Variants in TCF7L2 observed in about 807,000 individuals in gnomAD.
TCF7L2 encodes the protein transcription factor 7-like 2.
A neutral mutation model predicts 77.9 loss-of-function variants in TCF7L2; 23 were observed. The observed-to-expected ratio is 0.30, with a 90% CI of 0.21 to 0.42. The LOEUF is 0.42. Ranked by LOEUF, TCF7L2 falls within the 10% of genes least tolerant of loss-of-function variation. The probability of loss-of-function intolerance (pLI) is 1.00; values close to 1 mark genes in which losing one functional copy is unlikely to be tolerated. For synonymous variants in TCF7L2, 413 were observed against 340.2 expected (o/e 1.21, Z -2.36); for missense variants, 654 against 793.1 (o/e 0.82, Z 2.11).
intron 5 of TCF7L2, among the ~76,000 whole-genome samples, chr10:113,067,852 G>GTTTCGTTTGTTTGT: frequency 6.6e-6 from 1 of 151,738 alleles, no homozygotes; most frequent in East Asian, 1.9e-4. Context: ...TGATCTGTGG[G>GTTTCGTTTGTTTGT]TTTTGTTTGT....
chr10:113,007,976 G>A (rs1218796330), intron 4 of TCF7L2, among the ~76,000 whole-genome samples: 1 of 152,202 alleles, frequency 6.6e-6, no homozygotes, highest in African/African-American at 2.4e-5. Flanking sequence ...AGCTTGACTT[G>A]GGGCTTGGGG....
At chr10:113,099,580 G>A (rs1051889295) in intron 5 of TCF7L2, among the ~76,000 whole-genome samples, 1 of 152,216 alleles carries the variant, frequency 6.6e-6, no homozygotes, top group South Asian at 2.1e-4. Flanking sequence ...GTACAATGTA[G>A]GGCTATGTGT....
chr10:112,986,719 T>TA (rs1249345264), intron 4 of TCF7L2, among the ~76,000 whole-genome samples: 2 of 152,152 alleles, frequency 1.3e-5, no homozygotes, highest in African/African-American at 4.8e-5. Flanking sequence ...CTCCCTTTCT[T>TA]GCAGCCTCCA....
intron 13 of TCF7L2, among the ~76,000 whole-genome samples, chr10:113,164,634 A>G (rs980062864): frequency 2.0e-5 from 3 of 151,630 alleles, no homozygotes; most frequent in Non-Finnish European, 2.9e-5. Context: ...TCTTAATTTA[A>G]TCCACAACCT....
intron 4 of TCF7L2, among the ~76,000 whole-genome samples, chr10:113,014,075 CAGG>C (rs2046920119): frequency 6.6e-6 from 1 of 152,218 alleles, no homozygotes; most frequent in Admixed American, 6.5e-5. Context: ...TGAGTTAACA[CAGG>C]AGGACAGGGG....
chr10:113,165,465 G>A, intron 13 of TCF7L2, 90 bp from the exon 15 acceptor site: 4 of 1,420,534 alleles, frequency 2.8e-6, no homozygotes, highest in Non-Finnish European at 3.9e-6. Flanking sequence ...CATCCCTTAG[G>A]TGACCTCAGC....
At chr10:113,119,002 G>GTTCC (rs1253115681) in intron 5 of TCF7L2, among the ~76,000 whole-genome samples, 2 of 152,140 alleles carry the variant, frequency 1.3e-5, no homozygotes, top group African/African-American at 4.8e-5. Flanking sequence ...GCTGTCATTC[G>GTTCC]TTCCTTCCTA....
intron 5 of TCF7L2, among the ~76,000 whole-genome samples, chr10:113,137,723 T>C (rs2067636272): frequency 6.6e-6 from 1 of 152,270 alleles, no homozygotes; most frequent in Non-Finnish European, 1.5e-5. Flanking sequence ...AATCTGTGAT[T>C]GGCTTTGTCT....
intron 5 of TCF7L2, among the ~76,000 whole-genome samples, chr10:113,062,844 G>A (rs2056688161): frequency 6.6e-6 from 1 of 152,240 alleles, no homozygotes; most frequent in South Asian, 2.1e-4. Context: ...GTTTCATTTT[G>A]AGGCCTTTAC....
rs961261746 is a variant in TCF7L2 at position 113,166,578 on chromosome 10, G to T, written c.*606G>T. ...TTCCATGGTGTTGTTCTTTTGGGGG[G>T]AGGGGACGCTACTCAACACTTAATA... On this transcript the variant is annotated 3_prime_UTR_variant, in exon 14 of 14. Transcript: ENST00000627217. 2.1e-4 allele frequency: 47 copies of T among 228,394 alleles called. No homozygotes were observed. Among genetic ancestry groups the T allele is most frequent in the Non-Finnish European group, 3.5e-4 (40 of 115,112 alleles). The allele number at this position is 228,394 out of a possible 1,614,324, so 14.1% of individuals were successfully genotyped here.
chr10:113,135,652 G>A (rs146512570), intron 5 of TCF7L2, among the ~76,000 whole-genome samples: 440 of 152,270 alleles, frequency 2.9e-3, no homozygotes, highest in Non-Finnish European at 4.9e-3. Flanking sequence ...CTGCTGGGCC[G>A]AGATACTGCA....
intron 3 of TCF7L2, among the ~76,000 whole-genome samples, chr10:112,959,982 G>T (rs960328878): frequency 6.7e-6 from 1 of 149,822 alleles, no homozygotes; most frequent in Non-Finnish European, 1.5e-5. Context: ...GAAATGATCT[G>T]TTTTTTTTTT....
intron 5 of TCF7L2, among the ~76,000 whole-genome samples, chr10:113,118,006 G>T (rs2064114616): frequency 7.3e-6 from 1 of 136,110 alleles, no homozygotes; most frequent in East Asian, 2.2e-4. Context: ...ATAAATATAA[G>T]CTTTTCTCTT....
At chr10:113,004,872 C>A (rs963186957) in intron 4 of TCF7L2, among the ~76,000 whole-genome samples, 2 of 152,106 alleles carry the variant, frequency 1.3e-5, no homozygotes, top group African/African-American at 2.4e-5. Context: ...TGGGGTTCCA[C>A]CGTGTTGGCC....
chr10:112,977,565 C>T (rs116761056), intron 4 of TCF7L2, among the ~76,000 whole-genome samples: 5,054 of 152,288 alleles, frequency 0.033, 124 homozygotes, highest in African/African-American at 0.054. Context: ...GTAGCTTGAA[C>T]TGGCGTGATG....
intron 5 of TCF7L2, among the ~76,000 whole-genome samples, chr10:113,134,329 G>T (rs2067075098): frequency 6.6e-6 from 1 of 152,224 alleles, no homozygotes; most frequent in Non-Finnish European, 1.5e-5. Flanking sequence ...TAAGAGGTTT[G>T]CAGGATGCAA....
chr10:113,072,424 G>T (rs369612353), intron 5 of TCF7L2, among the ~76,000 whole-genome samples: 1 of 152,012 alleles, frequency 6.6e-6, no homozygotes, highest in Non-Finnish European at 1.5e-5. Flanking sequence ...GTGGGATCTC[G>T]CCTCACTGCA....
intron 5 of TCF7L2, among the ~76,000 whole-genome samples, chr10:113,046,317 G>T (rs534779039): frequency 3.3e-5 from 5 of 152,082 alleles, no homozygotes; most frequent in Non-Finnish European, 5.9e-5. Flanking sequence ...TTCACCAACT[G>T]CCCTCCCCCG....
intron 6 of TCF7L2, among the ~76,000 whole-genome samples, chr10:113,141,961 G>A (rs2068462444): frequency 6.6e-6 from 1 of 152,218 alleles, no homozygotes; most frequent in African/African-American, 2.4e-5. Flanking sequence ...CAACCAATGG[G>A]TGTCTGAGAA....
Sources: gnomAD v4.1 joint callset for allele counts (sites outside exome capture counted in the v4.1 genomes callset) on GRCh38, gnomAD v4.1.1 for gene constraint, MANE v1.5 for transcripts, NCBI Gene and HGNC (gene_info 2026-07-23, HGNC 2026-07-21) for gene names.